The following CNBD1 variants were observed in gnomAD, a reference collection of about 807,000 sequenced individuals.
CNBD1 encodes the protein cyclic nucleotide-binding domain-containing protein 1.
A neutral mutation model predicts 54.4 loss-of-function variants in CNBD1; 71 were observed. The ratio of observed to expected loss-of-function variants is 1.30; its 90% CI spans 1.08 to 1.59. The LOEUF is 1.59. Ranked by LOEUF, CNBD1 falls within the 40% of genes most tolerant of loss-of-function variation. The pLI is 0.00. For missense variants in CNBD1, 659 were observed against 518.0 expected (o/e 1.27, Z -2.64); for synonymous variants, 182 against 170.7 (o/e 1.07, Z -0.51).
At chr8:87,227,826 T>A (rs905339580) in intron 5 of CNBD1, among the ~76,000 whole-genome samples, 174 of 149,226 alleles carry the variant, frequency 1.2e-3, no homozygotes, top group Non-Finnish European at 2.1e-3. Flanking sequence ...GATAATATCC[T>A]GCAGAGTGTT....
At chr8:87,080,673 TG>T (rs1440609411) in intron 4 of CNBD1, among the ~76,000 whole-genome samples, 1 of 152,210 alleles carries the variant, frequency 6.6e-6, no homozygotes, top group Non-Finnish European at 1.5e-5. Flanking sequence ...ACTTTGCCAG[TG>T]TTGTGAACTT....
chr8:87,332,373 C>A (rs1462394843), intron 8 of CNBD1, among the ~76,000 whole-genome samples: 1 of 150,592 alleles, frequency 6.6e-6, no homozygotes, highest in East Asian at 1.9e-4. Flanking sequence ...AAAAGAAACT[C>A]TTTAGTTTAA....
At chr8:87,173,884 A>G (rs1813143405) in intron 4 of CNBD1, among the ~76,000 whole-genome samples, 1 of 151,816 alleles carries the variant, frequency 6.6e-6, no homozygotes, top group Non-Finnish European at 1.5e-5. Context: ...CTTCGGGGCC[A>G]ATAACTCTTA....
chr8:87,401,287 C>G (rs111266689), intron 2 of CNBD1, among the ~76,000 whole-genome samples: 3 of 152,118 alleles, frequency 2.0e-5, no homozygotes, highest in African/African-American at 7.2e-5. Context: ...AGGCCATCCC[C>G]AATTCCCTAA....
chr8:87,114,365 T>C (rs1019238322), intron 4 of CNBD1, among the ~76,000 whole-genome samples: 1 of 152,234 alleles, frequency 6.6e-6, no homozygotes, highest in Non-Finnish European at 1.5e-5. Context: ...TTTTTTGTTT[T>C]TTTGAGATGG....
intron 4 of CNBD1, among the ~76,000 whole-genome samples, chr8:86,969,791 TATACAC>T (rs772437787): frequency 1.9e-5 from 1 of 53,750 alleles, no homozygotes; most frequent in East Asian, 2.9e-3. Flanking sequence ...TATATATATA[TATACAC>T]ACACACACAC....
chr8:87,132,869 G>T (rs1458825336), intron 4 of CNBD1, among the ~76,000 whole-genome samples: 3 of 148,806 alleles, frequency 2.0e-5, no homozygotes, highest in Non-Finnish European at 3.0e-5. Flanking sequence ...CTCATTTTGG[G>T]ACTCAAATTA....
intron 5 of CNBD1, among the ~76,000 whole-genome samples, chr8:87,235,526 T>C (rs949074982): frequency 3.3e-5 from 5 of 152,058 alleles, no homozygotes; most frequent in African/African-American, 7.2e-5. Context: ...GGGAGAGAGA[T>C]GGGGAAACAG....
intron 4 of CNBD1, among the ~76,000 whole-genome samples, chr8:87,108,922 T>C (rs1444846199): frequency 6.6e-6 from 1 of 152,180 alleles, no homozygotes; most frequent in Non-Finnish European, 1.5e-5. Flanking sequence ...CAAAATGTAG[T>C]CCTTCGTGAA....
chr8:86,927,003 C>CT (rs1809372909), intron 3 of CNBD1, among the ~76,000 whole-genome samples: 1 of 152,142 alleles, frequency 6.6e-6, no homozygotes, highest in South Asian at 2.1e-4. Flanking sequence ...CTTAGGAAGA[C>CT]TAAGGTTCAG....
chr8:87,265,918 C>CA (rs1341414579), intron 6 of CNBD1, among the ~76,000 whole-genome samples: 7 of 151,916 alleles, frequency 4.6e-5, no homozygotes, highest in African/African-American at 1.4e-4. Flanking sequence ...GGCAATAAAA[C>CA]AAAAAATTCC....
intron 4 of CNBD1, among the ~76,000 whole-genome samples, chr8:87,100,322 C>A (rs572791686): frequency 6.6e-6 from 1 of 151,862 alleles, no homozygotes; most frequent in African/African-American, 2.4e-5. Flanking sequence ...AAATATTTGA[C>A]GAAACTGAAT....
At chr8:87,176,799 T>C (rs1398678645) in intron 4 of CNBD1, among the ~76,000 whole-genome samples, 1 of 152,126 alleles carries the variant, frequency 6.6e-6, no homozygotes, top group Non-Finnish European at 1.5e-5. Context: ...TTGCTAGTAT[T>C]TTTAATACAA....
At chr8:86,987,758 AT>A (rs1354893519) in intron 4 of CNBD1, among the ~76,000 whole-genome samples, 1 of 151,654 alleles carries the variant, frequency 6.6e-6, no homozygotes, top group Admixed American at 6.6e-5. Context: ...ATTGAGAATA[AT>A]TTTTTCTTTT....
At chr8:87,249,917 A>G (rs1344732542) in intron 6 of CNBD1, among the ~76,000 whole-genome samples, 2 of 152,224 alleles carry the variant, frequency 1.3e-5, no homozygotes, top group Non-Finnish European at 2.9e-5. Context: ...GGCCTGAACA[A>G]AGATTTCTTG....
intron 3 of CNBD1, among the ~76,000 whole-genome samples, chr8:86,920,043 A>T (rs1177072824): frequency 6.6e-6 from 1 of 151,956 alleles, no homozygotes; most frequent in East Asian, 1.9e-4. Flanking sequence ...TAACTTTTCT[A>T]TTGGGAAAAG....
chr8:87,038,321 G>A (rs1809992083), intron 4 of CNBD1, among the ~76,000 whole-genome samples: 1 of 152,150 alleles, frequency 6.6e-6, no homozygotes, highest in Non-Finnish European at 1.5e-5. Flanking sequence ...GAGTTTAATT[G>A]ACGCGAGACT....
At chr8:87,327,786 G>C (rs988620272) in intron 8 of CNBD1, among the ~76,000 whole-genome samples, 6 of 152,146 alleles carry the variant, frequency 3.9e-5, no homozygotes, top group African/African-American at 1.4e-4. Flanking sequence ...GCTGGGAGCT[G>C]TAGACCGGAG....
At chr8:87,002,481 C>A (rs1051079917) in intron 4 of CNBD1, among the ~76,000 whole-genome samples, 2 of 152,114 alleles carry the variant, frequency 1.3e-5, no homozygotes, top group Non-Finnish European at 2.9e-5. Context: ...AATACTCTGG[C>A]AATAACCCAG....
Sources: allele counts gnomAD v4.1 joint callset (sites outside exome capture counted in the v4.1 genomes callset), GRCh38; gene constraint gnomAD v4.1.1; transcripts MANE v1.5; gene names NCBI Gene and HGNC (gene_info 2026-07-23, HGNC 2026-07-21).